Variants in PRPSAP2 observed in about 807,000 individuals in gnomAD.
PRPSAP2 encodes the protein phosphoribosyl pyrophosphate synthetase associated protein 2.
PRPSAP2 carries 24 observed loss-of-function variants against 40.6 expected under a neutral mutation model. The ratio of observed to expected loss-of-function variants is 0.59; its 90% confidence interval spans 0.43 to 0.83. The LOEUF is 0.83. PRPSAP2 is among the 40% of genes least tolerant of loss of function. The pLI is 0.00. For missense variants in PRPSAP2, 292 were observed against 465.6 expected (o/e 0.63, Z 3.43); for synonymous variants, 149 against 164.7 (o/e 0.90, Z 0.73).
chr17:18,873,870 GGAGGGT>G (rs1421369795), intron 5 of PRPSAP2, among the ~76,000 whole-genome samples: 1 of 151,884 alleles, frequency 6.6e-6, no homozygotes. Flanking sequence ...ACTCTGGAAG[GGAGGGT>G]GATCACCTGG....
chr17:18,904,677 A>C (rs531481082), intron 8 of PRPSAP2: 1 of 152,340 alleles, frequency 6.6e-6, no homozygotes, highest in East Asian at 1.9e-4. Flanking sequence ...TTTTGACTAA[A>C]AGGGATCATC....
At chr17:18,885,659 C>T (rs577079634) in intron 7 of PRPSAP2, among the ~76,000 whole-genome samples, 1 of 152,086 alleles carries the variant, frequency 6.6e-6, no homozygotes, top group Admixed American at 6.6e-5. Flanking sequence ...ATGATCTCGG[C>T]TCACAGCAAC....
At chr17:18,924,509 C>G (rs752553718) in intron 10 of PRPSAP2, among the ~76,000 whole-genome samples, 111 of 152,104 alleles carry the variant, frequency 7.3e-4, no homozygotes, top group Non-Finnish European at 1.1e-3. Context: ...TGGCTCATGC[C>G]TGTAATCCCA....
At chr17:18,897,453 GTGTTGT>G (rs11271940) in intron 8 of PRPSAP2, among the ~76,000 whole-genome samples, 7 of 150,484 alleles carry the variant, frequency 4.7e-5, no homozygotes, top group Admixed American at 6.7e-5. Context: ...CTCTATAGTG[GTGTTGT>G]TGTTGTTGTT....
intron 10 of PRPSAP2, among the ~76,000 whole-genome samples, chr17:18,924,760 CTG>C (rs2041878914): frequency 7.8e-6 from 1 of 127,528 alleles, no homozygotes; most frequent in Admixed American, 8.5e-5. Context: ...CAGGGTGAGG[CTG>C]TGTCTCAAAA....
chr17:18,866,943 C>A (rs186997001), intron 3 of PRPSAP2, among the ~76,000 whole-genome samples: 5 of 151,962 alleles, frequency 3.3e-5, no homozygotes, highest in African/African-American at 1.2e-4. Context: ...GAGGCAGAAC[C>A]CCCCCAAGCA....
At chr17:18,896,595 T>TTTC (rs1314441324) in intron 8 of PRPSAP2, among the ~76,000 whole-genome samples, 4 of 150,248 alleles carry the variant, frequency 2.7e-5, no homozygotes, top group Non-Finnish European at 4.4e-5. Context: ...TTTTTTTTTT[T>TTTC]TTTTTGTCTA....
chr17:18,865,808 A>C lies in PRPSAP2; in HGVS notation c.-26A>C. On this transcript the variant is annotated 5_prime_UTR_variant, in exon 3 of 12. Transcript: ENST00000268835. ...AAGTATTATATCCTTCTAGGCTCTG[A>C]AAATTGGAAAACCAAGAAGGTTTTG... is the stretch of plus-strand genomic sequence containing the variant. The C allele has an allele frequency of 6.9e-7, 1 of 1,446,728 alleles. No homozygotes were observed. The highest frequency in any genetic ancestry group is 9.2e-7 in the Non-Finnish European group (1 of 1,082,422). 89.6% of individuals were successfully genotyped at this position (1,446,728 alleles called of 1,614,324 possible).
chr17:18,901,886 A>G (rs1187708753), intron 8 of PRPSAP2, among the ~76,000 whole-genome samples: 6 of 151,986 alleles, frequency 3.9e-5, no homozygotes, highest in Admixed American at 2.0e-4. Context: ...GGCTCAAGAG[A>G]TCCTCCTGCC....
chr17:18,863,607 A>C (rs2037207088), intron 1 of PRPSAP2, among the ~76,000 whole-genome samples: 1 of 151,272 alleles, frequency 6.6e-6, no homozygotes, highest in Non-Finnish European at 1.5e-5. Context: ...ATCTTGGCTC[A>C]CTGCAAGCTC....
intron 1 of PRPSAP2, among the ~76,000 whole-genome samples, chr17:18,863,481 G>T (rs968199120): frequency 6.6e-6 from 1 of 151,916 alleles, no homozygotes; most frequent in Non-Finnish European, 1.5e-5. Flanking sequence ...ATGATTAAAC[G>T]TATTCTTTCT....
chr17:18,911,131 C>T lies in PRPSAP2; in HGVS notation c.613C>T (p.Leu205=). Residue 205 remains leucine (L), a synonymous_variant, in exon 9 of 12, where the codon CTG becomes TTG. Transcript: ENST00000268835. This position sits in a 1 kb window ranked among gnomAD's most constrained non-coding sequence, Gnocchi z 4.5. ...ACAGTCTTTTGCTGAGCGCCTGCGC[C>T]TGGGAATTGCAGTGATTCATGGAGA... ...RAQSFAERLR[L]GIAVIHGEAQ... 6.2e-7 allele frequency: 1 copy of T among 1,612,858 alleles called. No individual in the cohort carries two copies. Among genetic ancestry groups the T allele is most frequent in the Non-Finnish European group, 8.5e-7 (1 of 1,179,246 alleles).
chr17:18,905,915 AT>A (rs539397689), intron 8 of PRPSAP2, among the ~76,000 whole-genome samples: 4 of 151,876 alleles, frequency 2.6e-5, no homozygotes, highest in Non-Finnish European at 4.4e-5. Flanking sequence ...AACTATTTTG[AT>A]TTTTTTTGTA....
chr17:18,867,151 G>T, intron 3 of PRPSAP2, 131 bp from the exon 4 acceptor site: 1 of 955,448 alleles, frequency 1.0e-6, no homozygotes, highest in South Asian at 1.7e-5. Flanking sequence ...ATTTAATGTT[G>T]ACTTTAAATT....
intron 4 of PRPSAP2, among the ~76,000 whole-genome samples, chr17:18,871,359 C>T (rs1405171456): frequency 6.6e-6 from 1 of 152,138 alleles, no homozygotes; most frequent in Non-Finnish European, 1.5e-5. Context: ...ACACCTCCAC[C>T]CCAAACCAGG....
intron 5 of PRPSAP2, among the ~76,000 whole-genome samples, chr17:18,875,866 A>T (rs931031694): frequency 2.0e-5 from 3 of 151,072 alleles, no homozygotes; most frequent in Non-Finnish European, 4.4e-5. Context: ...AAAAAAAAAA[A>T]AAAAGCCTGT....
At chr17:18,866,293 G>A (rs932759891) in intron 3 of PRPSAP2, among the ~76,000 whole-genome samples, 4 of 152,126 alleles carry the variant, frequency 2.6e-5, no homozygotes, top group African/African-American at 7.2e-5. Context: ...GGCCAGGCGC[G>A]GTGGCTCACG....
At chr17:18,871,662 T>A (rs1484361894) in intron 4 of PRPSAP2, among the ~76,000 whole-genome samples, 1 of 32,448 alleles carries the variant, frequency 3.1e-5, no homozygotes, top group Non-Finnish European at 7.7e-5. Flanking sequence ...TCTTTTTTTT[T>A]TTTTTTTTTT....
chr17:18,896,480 G>A (rs1452273726), intron 8 of PRPSAP2, among the ~76,000 whole-genome samples: 3 of 151,800 alleles, frequency 2.0e-5, no homozygotes, highest in Non-Finnish European at 4.4e-5. Context: ...AAGGTTCAAG[G>A]TTAGGGGCTT....
Sources: gnomAD v4.1 joint callset for allele counts (sites outside exome capture counted in the v4.1 genomes callset) on GRCh38, gnomAD v4.1.1 for gene constraint, Gnocchi (gnomAD v3.1) non-coding constraint, MANE v1.5 for transcripts, NCBI Gene and HGNC (gene_info 2026-07-23, HGNC 2026-07-21) for gene names.